DGKG: variants seen among roughly 807,000 people sequenced by gnomAD.
DGKG encodes the protein DAG kinase gamma.
In DGKG, 78 loss-of-function variants were observed where a neutral mutation model predicts 105.3. That is an observed-to-expected ratio of 0.74 (90% CI 0.62 to 0.89). The LOEUF (loss-of-function observed/expected upper bound fraction) is 0.89. DGKG is among the 40% of genes least tolerant of loss of function. The pLI is 0.00. For synonymous variants in DGKG, 346 were observed against 367.1 expected (o/e 0.94, Z 0.66); for missense variants, 958 against 1,020.1 (o/e 0.94, Z 0.83).
intron 2 of DGKG, among the ~76,000 whole-genome samples, chr3:186,310,153 G>C (rs1457493899): frequency 6.6e-6 from 1 of 150,460 alleles, no homozygotes; most frequent in African/African-American, 2.4e-5. Context: ...TGTAATCCCA[G>C]CTACTTGGGA....
rs1359702223 is a variant in DGKG at position 186,260,457 on chromosome 3, T to A, written c.1406A>T (p.Asn469Ile). The change falls in exon 16 of 25, where the codon AAT (asparagine) becomes ATT (isoleucine). Residue 469 changes from asparagine to isoleucine, a missense_variant. By Grantham distance (149) the Asn-to-Ile change is moderately radical. Around this residue, in one of 2 missense-constraint regions of DGKG, gnomAD observed 643 missense variants for 619.5 expected, o/e 1.04. Transcript: ENST00000265022. ...LNPKQVFNLD[N>I]GGPTPGLNFF... Reference sequence around the variant, plus strand: ...TCCATACCCTGGAGTAGGCCCCCCATTGTCCAGGTTGAAAACTTGTTTGGG... The same window carrying A: ...TCCATACCCTGGAGTAGGCCCCCCAATGTCCAGGTTGAAAACTTGTTTGGG... 1 of 1,612,964 alleles carries A rather than the reference T, an allele frequency of 6.2e-7. No homozygotes were observed. The highest frequency in any genetic ancestry group is 2.2e-5 in the East Asian group (1 of 44,878).
intron 20 of DGKG, among the ~76,000 whole-genome samples, chr3:186,238,727 G>C (rs1482710788): frequency 4.6e-5 from 7 of 152,124 alleles, no homozygotes; most frequent in South Asian, 2.1e-4. Context: ...GCCGTTAAAG[G>C]CCTTTTCTTT....
At chr3:186,355,334 TCAC>T (rs200914072) in intron 1 of DGKG, among the ~76,000 whole-genome samples, 3,335 of 49,758 alleles carry the variant, frequency 0.067, 146 homozygotes, top group African/African-American at 0.26. Flanking sequence ...ATCACCACTA[TCAC>T]CACCACCAAC....
intron 2 of DGKG, among the ~76,000 whole-genome samples, chr3:186,314,622 TG>T (rs1428420572): frequency 6.6e-6 from 1 of 151,826 alleles, no homozygotes; most frequent in Non-Finnish European, 1.5e-5. Flanking sequence ...GGCATGGTGG[TG>T]GGAGCCTATA....
At chr3:186,223,011 CTATATATATATATA>C (rs55753193) in intron 20 of DGKG, among the ~76,000 whole-genome samples, 2 of 80,524 alleles carry the variant, frequency 2.5e-5, no homozygotes, top group East Asian at 1.0e-3. Flanking sequence ...TGTATGTATA[CTATATATATATATA>C]TATATATATG....
intron 21 of DGKG, among the ~76,000 whole-genome samples, chr3:186,190,160 G>A (rs1198887317): frequency 6.6e-6 from 1 of 152,122 alleles, no homozygotes; most frequent in Admixed American, 6.5e-5. Flanking sequence ...CAGATTTAAG[G>A]GCAGGTAGTC....
chr3:186,150,777 T>A (rs1485603794), intron 24 of DGKG, among the ~76,000 whole-genome samples: 1 of 152,252 alleles, frequency 6.6e-6, no homozygotes, highest in Non-Finnish European at 1.5e-5. Context: ...TAAAACTTTT[T>A]TTTCTTTAAA....
chr3:186,170,960 T>G (rs758347116), intron 22 of DGKG, among the ~76,000 whole-genome samples: 3 of 152,212 alleles, frequency 2.0e-5, no homozygotes, highest in Non-Finnish European at 4.4e-5. Flanking sequence ...CAGTCTTTCT[T>G]TGGGAACATC....
At chr3:186,245,464 T>A (rs1005927481) in intron 19 of DGKG, among the ~76,000 whole-genome samples, 1 of 152,190 alleles carries the variant, frequency 6.6e-6, no homozygotes, top group Non-Finnish European at 1.5e-5. Context: ...TTACAATCAG[T>A]AGTGACTTCA....
chr3:186,181,508 G>A (rs1411978312), intron 22 of DGKG, among the ~76,000 whole-genome samples: 1 of 152,186 alleles, frequency 6.6e-6, no homozygotes, highest in Non-Finnish European at 1.5e-5. Context: ...CGAGGTGGGC[G>A]AATCACCTGA....
chr3:186,254,645 C>T (rs1721377609), intron 17 of DGKG, among the ~76,000 whole-genome samples: 1 of 152,142 alleles, frequency 6.6e-6, no homozygotes, highest in Non-Finnish European at 1.5e-5. Context: ...TACTAGATCT[C>T]CAAGCAATCT....
At chr3:186,311,264 A>G (rs1724528162) in intron 2 of DGKG, among the ~76,000 whole-genome samples, 1 of 152,162 alleles carries the variant, frequency 6.6e-6, no homozygotes, top group Admixed American at 6.5e-5. Context: ...ATTGTTGTAA[A>G]TGAAGACTGT....
intron 5 of DGKG, among the ~76,000 whole-genome samples, chr3:186,294,314 A>C (rs1489992160): frequency 6.6e-6 from 1 of 152,198 alleles, no homozygotes; most frequent in African/African-American, 2.4e-5. Context: ...TCAGTGAATG[A>C]ATTGTATCTT....
chr3:186,242,613 A>G (rs1425001513), intron 19 of DGKG, 45 bp from the exon 20 acceptor site: 18 of 1,572,802 alleles, frequency 1.1e-5, no homozygotes, highest in Non-Finnish European at 1.5e-5. Flanking sequence ...AGTGGTCATG[A>G]CAGTGCAGTG....
At chr3:186,272,165 C>T in intron 11 of DGKG, 90 bp downstream of exon 11, 1 of 993,500 alleles carries the variant, frequency 1.0e-6, no homozygotes, top group Non-Finnish European at 1.6e-6. Context: ...GATGAAGCTC[C>T]CAGTGCCCCT....
rs1369165288 is a variant in DGKG, at chr3:186,149,598, A to G, written c.*492T>C. 2 of 985,876 alleles carry G rather than the reference A, an allele frequency of 2.0e-6. No individual in the cohort carries two copies. Among genetic ancestry groups the G allele is most frequent in the Non-Finnish European group, 2.4e-6 (2 of 830,122 alleles). The allele number at this position is 985,876 out of a possible 1,614,324, so 61.1% of individuals were successfully genotyped here. A position where few individuals can be genotyped will look rare whatever the true frequency, so the allele number is the denominator to read the frequency against. On this transcript the variant is annotated 3_prime_UTR_variant, in exon 25 of 25. Coordinates refer to ENST00000265022, the MANE Select transcript of DGKG (RefSeq NM_001346.3). ...GCCCTGCCAAGGATTATGCTCTGAG[A>G]GCCGGAGGCCGTTTTGTCTCTGTAC...
At chr3:186,300,011 A>AT (rs1244833786) in intron 3 of DGKG, among the ~76,000 whole-genome samples, 2 of 151,284 alleles carry the variant, frequency 1.3e-5, no homozygotes, top group Non-Finnish European at 2.9e-5. Context: ...CTATTTTTGT[A>AT]TTTTTAGCAG....
At chr3:186,261,936 A>T in intron 14 of DGKG, 158 bp from the exon 15 acceptor site, 1 of 565,498 alleles carries the variant, frequency 1.8e-6, no homozygotes, top group African/African-American at 1.9e-5. Flanking sequence ...GGGGCTAAGT[A>T]GCTAAGTGTC....
intron 9 of DGKG, among the ~76,000 whole-genome samples, chr3:186,278,261 G>GA (rs1365641648): frequency 0.014 from 2,050 of 148,536 alleles, 39 homozygotes; most frequent in African/African-American, 0.045. Flanking sequence ...CCCTAAATGA[G>GA]AAAAAAAAAA....
Sources: gnomAD v4.1 joint callset for allele counts (sites outside exome capture counted in the v4.1 genomes callset) on GRCh38, gnomAD v4.1.1 for gene constraint, gnomAD v4.1.1 regional missense constraint, MANE v1.5 for transcripts, NCBI Gene and HGNC (gene_info 2026-07-23, HGNC 2026-07-21) for gene names.